Variants in MCF2L2 observed in about 807,000 individuals in gnomAD.
The protein encoded by MCF2L2 is probable guanine nucleotide exchange factor MCF2L2.
A neutral mutation model predicts 150.2 loss-of-function variants in MCF2L2; 102 were observed. The ratio of observed to expected loss-of-function variants is 0.68; its 90% confidence interval spans 0.58 to 0.80. The LOEUF is 0.80. Among genes scored for constraint, MCF2L2 ranks in the 30% least tolerant of loss-of-function variants. The pLI is 0.00. For synonymous variants in MCF2L2, 465 were observed against 491.3 expected, an observed-to-expected ratio of 0.95 and a Z score of 0.71; for missense variants, 1,256 against 1,372.8, an observed-to-expected ratio of 0.91 and a Z score of 1.34.
intron 6 of MCF2L2, among the ~76,000 whole-genome samples, chr3:183,322,495 A>G (rs1245977512): frequency 1.3e-5 from 2 of 152,216 alleles, no homozygotes; most frequent in Non-Finnish European, 1.5e-5. Flanking sequence ...ATATTGACAA[A>G]TGTAGGAGGC....
rs1488222590 is a variant in MCF2L2, at chr3:183,297,129, A to G, written c.1344T>C (p.Ala448=). 2 of 1,614,096 alleles carry G rather than the reference A, an allele frequency of 1.2e-6. No homozygotes were observed. Among genetic ancestry groups the G allele is most frequent in the Non-Finnish European group, 8.5e-7 (1 of 1,179,992 alleles). ...ACTGGCACTTGTCTACAGCTTGGGA[A>G]GCCAAGAGGTAGATTCCTGCCTCAC... ...QWCEAGIYLL[A]SQAVDKCQSR... Residue 448 remains alanine (A), a synonymous_variant, in exon 12 of 30, where the codon GCT becomes GCC. Coordinates refer to ENST00000328913, the MANE Select transcript of MCF2L2 (RefSeq NM_015078.4).
intron 7 of MCF2L2, among the ~76,000 whole-genome samples, chr3:183,316,524 T>C (rs1729611054): frequency 6.6e-6 from 1 of 151,762 alleles, no homozygotes. Flanking sequence ...TTTGTGTTTT[T>C]AGTAGAGACA....
intron 3 of MCF2L2, among the ~76,000 whole-genome samples, chr3:183,343,484 C>T (rs1198652773): frequency 1.3e-5 from 2 of 151,760 alleles, no homozygotes; most frequent in Non-Finnish European, 2.9e-5. Context: ...GATTCTCCTA[C>T]CTCAGCCTCC....
At chr3:183,333,210 C>T (rs973493220) in intron 5 of MCF2L2, among the ~76,000 whole-genome samples, 1 of 152,054 alleles carries the variant, frequency 6.6e-6, no homozygotes, top group African/African-American at 2.4e-5. Context: ...CCATGCCTGA[C>T]TAATTTTTGT....
intron 15 of MCF2L2, among the ~76,000 whole-genome samples, chr3:183,274,953 C>T (rs2108455950): frequency 1.3e-5 from 2 of 151,706 alleles, no homozygotes; most frequent in Non-Finnish European, 2.9e-5. Context: ...CTCCTTCATT[C>T]CCTATAGCTT....
At chr3:183,348,703 C>A (rs1206620885) in intron 3 of MCF2L2, among the ~76,000 whole-genome samples, 1 of 152,020 alleles carries the variant, frequency 6.6e-6, no homozygotes, top group East Asian at 1.9e-4. Flanking sequence ...TATCACTAGT[C>A]ATAAGAAAGC....
At chr3:183,216,476 A>C (rs1722918557) in intron 21 of MCF2L2, among the ~76,000 whole-genome samples, 1 of 140,328 alleles carries the variant, frequency 7.1e-6, no homozygotes, top group African/African-American at 2.7e-5. Flanking sequence ...ATTAATATAT[A>C]ATTATATGTT....
At chr3:183,381,147 C>T (rs1044543452) in intron 2 of MCF2L2, among the ~76,000 whole-genome samples, 1 of 152,134 alleles carries the variant, frequency 6.6e-6, no homozygotes, top group Non-Finnish European at 1.5e-5. Flanking sequence ...TGAAGAGAAA[C>T]CACTTGAAGA....
At chr3:183,279,089 T>C (rs1472244693) in intron 14 of MCF2L2, among the ~76,000 whole-genome samples, 1 of 152,244 alleles carries the variant, frequency 6.6e-6, no homozygotes, top group South Asian at 2.1e-4. Context: ...TATTAAGGTA[T>C]AGACAGATTA....
chr3:183,254,563 C>A (rs1322644519), intron 15 of MCF2L2: 10 of 152,140 alleles, frequency 6.6e-5, no homozygotes, highest in Non-Finnish European at 2.9e-5. Context: ...TGCGGGTCCC[C>A]GTCCCTGAGG....
Position 183,386,128 on chromosome 3 carries a change from C to T in MCF2L2, c.160+3568G>A, listed in dbSNP as rs1713818011. ...GGCTAAGTTCCCTTGTAGTCAGATACCATGCTGAGTGAAACTTTTCTTCTT... is the reference window on the plus strand; with the variant it reads ...GGCTAAGTTCCCTTGTAGTCAGATATCATGCTGAGTGAAACTTTTCTTCTT... On this transcript the variant is annotated intron_variant, in intron 2 of 29. Coordinates refer to ENST00000328913, the MANE Select transcript of MCF2L2 (RefSeq NM_015078.4). 3.3e-5 allele frequency among the ~76,000 whole-genome samples: 5 copies of T among 152,286 alleles called. No individual in the cohort carries two copies. The South Asian group carries it at 1.0e-3, about 32-fold the overall frequency.
intron 15 of MCF2L2, among the ~76,000 whole-genome samples, chr3:183,268,584 G>A (rs1442555194): frequency 6.6e-6 from 1 of 152,202 alleles, no homozygotes; most frequent in Non-Finnish European, 1.5e-5. Context: ...AACAGGAACA[G>A]CAGGTTTTAG....
At chr3:183,248,125 AG>A (rs994961116) in intron 15 of MCF2L2, among the ~76,000 whole-genome samples, 1 of 151,912 alleles carries the variant, frequency 6.6e-6, no homozygotes, top group African/African-American at 2.4e-5. Context: ...TTTTCCCAAG[AG>A]GGTTTACTTA....
At chr3:183,274,749 TAATG>T (rs957977965) in intron 15 of MCF2L2, among the ~76,000 whole-genome samples, 2 of 152,224 alleles carry the variant, frequency 1.3e-5, no homozygotes, top group South Asian at 2.1e-4. Flanking sequence ...TCTGTGATAA[TAATG>T]AGAGGAATAT....
chr3:183,352,851 T>A (rs1321037320), intron 3 of MCF2L2, among the ~76,000 whole-genome samples: 1 of 152,256 alleles, frequency 6.6e-6, no homozygotes, highest in Non-Finnish European at 1.5e-5. Flanking sequence ...ATGATTGTAT[T>A]ATCATTATGT....
chr3:183,416,433 T>G (rs1269085307), intron 1 of MCF2L2, among the ~76,000 whole-genome samples: 1 of 152,210 alleles, frequency 6.6e-6, no homozygotes, highest in African/African-American at 2.4e-5. Flanking sequence ...GTGCTCTTGT[T>G]AAATATATTA....
intron 14 of MCF2L2, among the ~76,000 whole-genome samples, chr3:183,286,331 G>A (rs1313476072): frequency 6.6e-6 from 1 of 152,052 alleles, no homozygotes; most frequent in African/African-American, 2.4e-5. Context: ...TACTAGACTG[G>A]CTGGGTTTCA....
chr3:183,283,986 G>C lies in MCF2L2; in HGVS notation c.1776+5134C>G, dbSNP rs1727649720. On this transcript the variant is annotated intron_variant, in intron 14 of 29. Coordinates refer to ENST00000328913, the MANE Select transcript of MCF2L2 (RefSeq NM_015078.4). This position sits in a 1 kb window ranked among gnomAD's most constrained non-coding sequence, Gnocchi z 4.2. The stretch of plus-strand genomic sequence containing the variant: ...ATTAGAAATATGTTGTTTCCCCCAT[G>C]AAAGTTTCAAGTTTCCTGAGTTTAG... Among the ~76,000 whole-genome samples the C allele has an allele frequency of 6.6e-6, 1 of 152,142 alleles. No individual in the cohort carries two copies. The highest frequency in any genetic ancestry group is 1.5e-5 in the Non-Finnish European group (1 of 68,036).
intron 15 of MCF2L2, among the ~76,000 whole-genome samples, chr3:183,266,874 C>T (rs1391317881): frequency 1.3e-5 from 2 of 151,844 alleles, no homozygotes; most frequent in Non-Finnish European, 2.9e-5. Context: ...GCAACCTCCA[C>T]CTTCCTGATT....
Sources: allele counts gnomAD v4.1 joint callset (sites outside exome capture counted in the v4.1 genomes callset), GRCh38; gene constraint gnomAD v4.1.1; non-coding constraint Gnocchi (gnomAD v3.1); transcripts MANE v1.5; gene names NCBI Gene and HGNC (gene_info 2026-07-23, HGNC 2026-07-21).